The following EXOC3 variants were observed in gnomAD, a reference collection of about 807,000 sequenced individuals.
EXOC3 encodes the protein SEC6-like 1.
A neutral mutation model predicts 73.7 loss-of-function variants in EXOC3; 21 were observed. That is an observed-to-expected ratio of 0.29 (90% CI 0.20 to 0.41). The LOEUF (loss-of-function observed/expected upper bound fraction) is 0.41. Ranked by LOEUF, EXOC3 falls within the 10% of genes least tolerant of loss-of-function variation. EXOC3 has a pLI of 1.00. For missense variants in EXOC3, 842 were observed against 985.1 expected (o/e 0.85, Z 1.95); for synonymous variants, 410 against 389.1 (o/e 1.05, Z -0.63).
intron 2 of EXOC3, among the ~76,000 whole-genome samples, chr5:446,602 A>G (rs1251520331): frequency 6.6e-6 from 1 of 152,220 alleles, no homozygotes; most frequent in African/African-American, 2.4e-5. Context: ...CATGCCTGTA[A>G]TCCCAGCACC....
chr5:457,200 GGC>G lies in EXOC3; in HGVS notation c.1164+195_1164+196del, dbSNP rs1737844429. The G allele has an allele frequency of 1.4e-5, 8 of 586,572 alleles. No individual in the cohort carries two copies. In the South Asian group the frequency reaches 1.6e-4, roughly 11 times the overall value. 36.3% of individuals were successfully genotyped at this position (586,572 alleles called of 1,614,324 possible). ...GAAGAGGAGAATGGCCCCTTCTCTG[GGC>G]CTGGATCTGAAGCTTGTCCTCTGCT... On this transcript the variant is annotated intron_variant, in intron 5 of 12. Coordinates refer to ENST00000512944, the MANE Select transcript of EXOC3 (RefSeq NM_007277.5).
At chr5:455,669 T>G (rs1268612991) in intron 4 of EXOC3, among the ~76,000 whole-genome samples, 2 of 150,004 alleles carry the variant, frequency 1.3e-5, no homozygotes, top group African/African-American at 4.8e-5. Context: ...TAATTTTAAT[T>G]TTTGTGGGTA....
rs772822487 is a variant in EXOC3 at position 446,226 on chromosome 5, G to T, written c.21G>T (p.Glu7Asp). Reference protein sequence around the residue: MKETDREAVATAVQRVA... With the variant: MKETDRDAVATAVQRVA... ...TCACCATGAAGGAGACAGACCGGGA[G>T]GCCGTTGCGACAGCAGTGCAAAGGG... The change falls in exon 2 of 13, where the codon GAG becomes GAT. Residue 7 changes from glutamate (E) to aspartate (D), a missense_variant. Glu to Asp is a conservative substitution (Grantham distance 45). Transcript: ENST00000512944. 6.2e-6 allele frequency: 10 copies of T among 1,614,022 alleles called. No individual in the cohort carries two copies. The highest frequency in any genetic ancestry group is 7.6e-6 in the Non-Finnish European group (9 of 1,179,896).
intron 10 of EXOC3, chr5:464,795 C>T (rs565167432): frequency 5.5e-4 from 255 of 462,826 alleles, no homozygotes; most frequent in Non-Finnish European, 6.6e-4. Flanking sequence ...ATGCTGCGGT[C>T]GTTATCAAAG....
chr5:457,095 A>G (rs1579740222), intron 5 of EXOC3, 89 bp downstream of exon 5: 1 of 896,164 alleles, frequency 1.1e-6, no homozygotes, highest in East Asian at 2.6e-5. Context: ...CAGGGGGGAA[A>G]TGCCTTAGCG....
Position 464,275 on chromosome 5 carries a change from G to C in EXOC3, c.1654-15G>C. 2.5e-6 allele frequency: 4 copies of C among 1,612,070 alleles called. No individual in the cohort carries two copies. The highest frequency in any genetic ancestry group is 3.4e-6 in the Non-Finnish European group (4 of 1,178,670). On this transcript the variant is annotated splice_polypyrimidine_tract_variant and intron_variant, in intron 9 of 12. Transcript: ENST00000512944. ...GTTGAGGTGATGATTTCTATGATCT[G>C]TTTCTGCTTTTCAGCAACATCTGAA...
chr5:458,777 G>A (rs1326808292), intron 6 of EXOC3, among the ~76,000 whole-genome samples: 1 of 152,202 alleles, frequency 6.6e-6, no homozygotes, highest in African/African-American at 2.4e-5. Flanking sequence ...CCTCACTCAG[G>A]ACTCTAGTTA....
intron 11 of EXOC3, 96 bp downstream of exon 11, chr5:465,368 T>G (rs1738112303): frequency 7.3e-7 from 1 of 1,377,788 alleles, no homozygotes; most frequent in African/African-American, 1.5e-5. Context: ...TGGGAGTGTG[T>G]CGTGTGTTTG....
chr5:453,625 C>T lies in EXOC3; in HGVS notation c.620C>T (p.Thr207Ile), dbSNP rs780690242. The change falls in exon 4 of 13, where the codon ACC becomes ATC. Residue 207 changes from threonine (T) to isoleucine (I), a missense_variant. By Grantham distance (89) the Thr-to-Ile change is moderately conservative. Transcript: ENST00000512944. ...RSLVTVRRDPTLLVSVVRIIE... is the reference protein window; with the variant it reads ...RSLVTVRRDPILLVSVVRIIE... ...CTGGTCACTGTCCGCCGTGACCCCA[C>T]CTTGCTGGTCTCAGTTGTCAGGATC... 6.2e-7 allele frequency: 1 copy of T among 1,613,848 alleles called. No homozygotes were observed. The highest frequency in any genetic ancestry group is 1.3e-5 in the African/African-American group (1 of 74,906).
In EXOC3 at chr5:458,810, T is replaced by A. The variant is rs996324891; in HGVS notation, c.1291-549T>A. 2.0e-5 allele frequency among the ~76,000 whole-genome samples: 3 copies of A among 152,264 alleles called. No individual in the cohort carries two copies. In the East Asian group the frequency reaches 5.8e-4, roughly 29 times the overall value. ...TTAGGCAGGAGTGAGGGCTGGCGGG[T>A]GACATTTCTCTCTGAATGATACCGT... On this transcript the variant is annotated intron_variant, in intron 6 of 12. Coordinates refer to ENST00000512944, the MANE Select transcript of EXOC3 (RefSeq NM_007277.5).
intron 3 of EXOC3, among the ~76,000 whole-genome samples, chr5:448,772 G>A (rs75327418): frequency 0.031 from 4,687 of 152,272 alleles, 141 homozygotes; most frequent in African/African-American, 0.064. Context: ...TCGTGCTTGC[G>A]GCTGCAGCAT....
At chr5:457,619 TG>T in intron 5 of EXOC3, 1 of 335,110 alleles carries the variant, frequency 3.0e-6, no homozygotes, top group Non-Finnish European at 5.6e-6. Context: ...TCAGCGGCCT[TG>T]TCCTCCAGCA....
In EXOC3 at chr5:446,273, C is replaced by G; in HGVS notation, c.68C>G (p.Pro23Arg). 2 of 1,613,862 alleles carry G rather than the reference C, an allele frequency of 1.2e-6. No individual in the cohort carries two copies. Among genetic ancestry groups the G allele is most frequent in the Non-Finnish European group, 1.7e-6 (2 of 1,179,798 alleles). ...VQRVAGMLQR[P>R]DQLDKVEQYR... ...AGGGTTGCTGGGATGCTCCAGCGCC[C>G]GGACCAGCTGGACAAGGTGGAGCAG... The change falls in exon 2 of 13, where the codon CCG becomes CGG. Residue 23 changes from proline to arginine, a missense_variant. Physicochemically the swap from Pro to Arg is moderately radical, Grantham distance 103 (BLOSUM62 -2). Coordinates refer to ENST00000512944, the MANE Select transcript of EXOC3 (RefSeq NM_007277.5).
chr5:466,364 C>T (rs1001413572), intron 12 of EXOC3: 3 of 268,958 alleles, frequency 1.1e-5, no homozygotes, highest in African/African-American at 4.4e-5. Flanking sequence ...TCTCAGGGCA[C>T]CTGCCACTTC....
In EXOC3 at chr5:453,548, G is replaced by A; in HGVS notation, c.543G>A (p.Gln181=). The change falls in exon 4 of 13, where the codon CAG becomes CAA. Residue 181 remains glutamine (Q), a synonymous_variant. Coordinates refer to ENST00000512944, the MANE Select transcript of EXOC3 (RefSeq NM_007277.5). ...TLIHGYFGST[Q]GLSDELAKQL... ...TCCATGGCTACTTTGGCAGCACGCA[G>A]GGGCTCTCTGATGAGCTGGCTAAGC... 6.2e-7 allele frequency: 1 copy of A among 1,614,028 alleles called. No homozygotes were observed. The highest frequency in any genetic ancestry group is 8.5e-7 in the Non-Finnish European group (1 of 1,179,900).
At chr5:462,620 A>G in intron 9 of EXOC3, 1 of 343,616 alleles carries the variant, frequency 2.9e-6, no homozygotes, top group Non-Finnish European at 5.4e-6. Context: ...GAGAGTGCAC[A>G]CACACACACA....
At position 465,177 on chromosome 5, in the gene EXOC3, A is replaced by G. The variant is rs1392663790; in HGVS notation, c.1843A>G (p.Ile615Val). 4.4e-6 allele frequency: 7 copies of G among 1,597,084 alleles called. No homozygotes were observed. Among genetic ancestry groups the G allele is most frequent in the Admixed American group, 1.7e-5 (1 of 57,336 alleles). The change falls in exon 11 of 13, where the codon ATT (isoleucine) becomes GTT (valine). Residue 615 changes from isoleucine to valine, a missense_variant. Physicochemically the swap from Ile to Val is conservative, Grantham distance 29 (BLOSUM62 3). Transcript: ENST00000512944. ...CCTGCGGGCGGTCATGCAGAAGCGC[A>G]TTTCCTTCCGGAGCCCGGAGGAGCG... ...EYLRAVMQKR[I>V]SFRSPEERKE...
intron 5 of EXOC3, 66 bp from the exon 6 acceptor site, chr5:457,834 A>C (rs1465998180): frequency 1.3e-6 from 2 of 1,532,320 alleles, no homozygotes; most frequent in African/African-American, 2.7e-5. Flanking sequence ...TGACCAGGTA[A>C]TTGGCATGAC....
Position 466,955 on chromosome 5 carries a change from C to T in EXOC3, c.*57C>T, listed in dbSNP as rs879438837. ...CAGCCTCGGTCCCTGCCTTTAGAAA[C>T]GCGGGACAGCTGATTGCTCTCCTTG... is the stretch of plus-strand genomic sequence containing the variant. On this transcript the variant is annotated 3_prime_UTR_variant, in exon 13 of 13. Transcript: ENST00000512944. 1.1e-5 allele frequency: 16 copies of T among 1,484,708 alleles called. No individual in the cohort carries two copies. The highest frequency in any genetic ancestry group is 2.5e-5 in the East Asian group (1 of 40,574). 92.0% of individuals were successfully genotyped at this position (1,484,708 alleles called of 1,614,324 possible).
Sources: allele counts gnomAD v4.1 joint callset (sites outside exome capture counted in the v4.1 genomes callset), GRCh38; gene constraint gnomAD v4.1.1; transcripts MANE v1.5; gene names NCBI Gene and HGNC (gene_info 2026-07-23, HGNC 2026-07-21).